Variants in TSPAN9 observed in about 807,000 individuals in gnomAD.
The protein encoded by TSPAN9 is tetraspanin 9, also known as tetraspanin-9.
In TSPAN9, 16 loss-of-function variants were observed where a neutral mutation model predicts 31.0. The observed-to-expected ratio is 0.52, with a 90% CI of 0.35 to 0.78. TSPAN9 has a LOEUF of 0.78. Among genes scored for constraint, TSPAN9 ranks in the 30% least tolerant of loss-of-function variants. The pLI, the probability that TSPAN9 is intolerant of heterozygous loss-of-function variation, is 0.01. For synonymous variants in TSPAN9, 145 were observed against 121.6 expected (o/e 1.19, Z -1.27); for missense variants, 272 against 312.5 (o/e 0.87, Z 0.98).
At chr12:3,229,646 G>C (rs1379871020) in intron 3 of TSPAN9, among the ~76,000 whole-genome samples, 1 of 152,218 alleles carries the variant, frequency 6.6e-6, no homozygotes, top group Non-Finnish European at 1.5e-5. Flanking sequence ...GGGCTGGCTG[G>C]GGGTAGAGGA....
At chr12:3,224,700 G>A (rs548458797) in intron 3 of TSPAN9, among the ~76,000 whole-genome samples, 4 of 152,370 alleles carry the variant, frequency 2.6e-5, no homozygotes, top group South Asian at 2.1e-4. Flanking sequence ...CCAGATGCAC[G>A]TACTGCGCCA....
At chr12:3,086,974 G>A (rs1414483736) in intron 2 of TSPAN9, among the ~76,000 whole-genome samples, 1 of 152,172 alleles carries the variant, frequency 6.6e-6, no homozygotes, top group Non-Finnish European at 1.5e-5. Flanking sequence ...CTTGCAATGT[G>A]GGGAATGTGT....
chr12:3,082,946 A>T (rs1249572809), intron 1 of TSPAN9, among the ~76,000 whole-genome samples: 1 of 152,220 alleles, frequency 6.6e-6, no homozygotes, highest in Non-Finnish European at 1.5e-5. Flanking sequence ...ATCTCAAGAA[A>T]TGAAGCTTGC....
chr12:3,129,855 G>A (rs985236250), intron 2 of TSPAN9, among the ~76,000 whole-genome samples: 16 of 152,098 alleles, frequency 1.1e-4, no homozygotes, highest in Non-Finnish European at 1.9e-4. Context: ...GCTGTCCCTC[G>A]GGGAAGCAGT....
chr12:3,266,074 C>G (rs976575859), intron 3 of TSPAN9, among the ~76,000 whole-genome samples: 1 of 152,194 alleles, frequency 6.6e-6, no homozygotes, highest in Non-Finnish European at 1.5e-5. Flanking sequence ...TCATCCCGTC[C>G]TCCTCGGCTA....
At chr12:3,243,850 A>G (rs758665442) in intron 3 of TSPAN9, among the ~76,000 whole-genome samples, 6 of 152,154 alleles carry the variant, frequency 3.9e-5, no homozygotes, top group Non-Finnish European at 7.4e-5. Flanking sequence ...GACTGACCTC[A>G]AGGCCGCCAC....
intron 2 of TSPAN9, among the ~76,000 whole-genome samples, chr12:3,184,890 A>G (rs1234240009): frequency 6.6e-6 from 1 of 152,158 alleles, no homozygotes; most frequent in Non-Finnish European, 1.5e-5. Flanking sequence ...TTCACAGGGA[A>G]TGCAGTGTAA....
rs377725027 is a variant in TSPAN9 at position 3,278,450 on chromosome 12, C to T, written c.93C>T (p.Gly31=). 5 of 1,614,218 alleles carry T rather than the reference C, an allele frequency of 3.1e-6. No homozygotes were observed. The highest frequency in any genetic ancestry group is 4.2e-6 in the Non-Finnish European group (5 of 1,180,022). The change falls in exon 4 of 9, where the codon GGC becomes GGT. Residue 31 remains glycine, a synonymous_variant. Coordinates refer to ENST00000011898, the MANE Select transcript of TSPAN9 (RefSeq NM_006675.5). ...GTGGCTGTGGGCTGCTGGGAGTGGGCATCTGGCTCTCCGTGTCCCAAGGCA... is the reference window on the plus strand; with the variant it reads ...GTGGCTGTGGGCTGCTGGGAGTGGGTATCTGGCTCTCCGTGTCCCAAGGCA... The part of the protein sequence containing the change: ...WLCGCGLLGV[G]IWLSVSQGNF...
intron 2 of TSPAN9, among the ~76,000 whole-genome samples, chr12:3,179,260 G>T (rs1389226346): frequency 6.6e-6 from 1 of 152,162 alleles, no homozygotes; most frequent in Admixed American, 6.5e-5. Context: ...CATGCTGGGT[G>T]CATTACACAC....
chr12:3,253,202 G>A (rs571656480), intron 3 of TSPAN9, among the ~76,000 whole-genome samples: 318 of 152,220 alleles, frequency 2.1e-3, no homozygotes, highest in Non-Finnish European at 3.8e-3. Context: ...GCCCAAGCCT[G>A]CCCTAAGCAG....
rs183111381 is a variant in TSPAN9 at position 3,112,463 on chromosome 12, A to T, written c.-18+28744A>T. On this transcript the variant is annotated intron_variant, in intron 2 of 8. Transcript: ENST00000011898. ...AGTGCTGGGATTACAGGCATAAGCC[A>T]CCGCGCCTGGCCTGTAATGTTCCAT... 7.9e-5 allele frequency among the ~76,000 whole-genome samples: 12 copies of T among 151,890 alleles called. No homozygotes were observed. The East Asian group carries it at 1.4e-3, about 17-fold the overall frequency.
At chr12:3,214,159 G>C (rs1431158050) in intron 3 of TSPAN9, among the ~76,000 whole-genome samples, 1 of 152,178 alleles carries the variant, frequency 6.6e-6, no homozygotes, top group Non-Finnish European at 1.5e-5. Flanking sequence ...CATCTCTGAG[G>C]TCTCTCTGGG....
intron 3 of TSPAN9, among the ~76,000 whole-genome samples, chr12:3,243,855 C>T (rs377176104): frequency 3.3e-5 from 5 of 152,182 alleles, no homozygotes; most frequent in East Asian, 1.9e-4. Flanking sequence ...ACCTCAAGGC[C>T]GCCACCTCTG....
chr12:3,162,310 A>ATC (rs774801811), intron 2 of TSPAN9, among the ~76,000 whole-genome samples: 1 of 152,230 alleles, frequency 6.6e-6, no homozygotes, highest in Non-Finnish European at 1.5e-5. Context: ...CTGATCAATC[A>ATC]TCCAGCTTCA....
rs151147166 is a variant in TSPAN9 at position 3,150,808 on chromosome 12, G to C, written c.-17-50369G>C. Among the ~76,000 whole-genome samples, 1,262 of 152,248 alleles carry C rather than the reference G, an allele frequency of 8.3e-3. 53 individuals carry two copies. The highest frequency in any genetic ancestry group is 0.066 in the Admixed American group (1,009 of 15,298). On this transcript the variant is annotated intron_variant, in intron 2 of 8. Transcript: ENST00000011898. Reference sequence around the variant, plus strand: ...CCCACGCCTGGCCTGGCCTTGGGGAGCCCTCCCCTGTCCTGTGCCTTTTAA... The same window carrying C: ...CCCACGCCTGGCCTGGCCTTGGGGACCCCTCCCCTGTCCTGTGCCTTTTAA...
chr12:3,285,084 A>G lies in TSPAN9; in HGVS notation c.*1968A>G, dbSNP rs899632296. 2 of 152,210 alleles carry G rather than the reference A, an allele frequency of 1.3e-5. No individual in the cohort carries two copies. Among genetic ancestry groups the G allele is most frequent in the African/African-American group, 4.8e-5 (2 of 41,436 alleles). 9.4% of individuals were successfully genotyped at this position (152,210 alleles called of 1,614,324 possible). A position where few individuals can be genotyped will look rare whatever the true frequency, so the allele number is the denominator to read the frequency against. ...TGCTGATGGAATGTGGGGGAGGCCCACATTTGAGCAAAGCTGCCCTGCCCT... is the reference window on the plus strand; with the variant it reads ...TGCTGATGGAATGTGGGGGAGGCCCGCATTTGAGCAAAGCTGCCCTGCCCT... On this transcript the variant is annotated 3_prime_UTR_variant, in exon 9 of 9. Coordinates refer to ENST00000011898, the MANE Select transcript of TSPAN9 (RefSeq NM_006675.5).
chr12:3,178,953 G>A (rs2098357380), intron 2 of TSPAN9, among the ~76,000 whole-genome samples: 1 of 152,186 alleles, frequency 6.6e-6, no homozygotes, highest in South Asian at 2.1e-4. Context: ...GTGGGGATCT[G>A]GTTGCTTATT....
intron 2 of TSPAN9, among the ~76,000 whole-genome samples, chr12:3,099,397 C>T (rs1052433666): frequency 1.3e-5 from 2 of 152,180 alleles, no homozygotes; most frequent in Non-Finnish European, 2.9e-5. Flanking sequence ...ATCTTTGTCT[C>T]ATCATGTTGA....
intron 1 of TSPAN9, among the ~76,000 whole-genome samples, chr12:3,083,017 C>A (rs375579703): frequency 6.6e-6 from 1 of 152,204 alleles, no homozygotes; most frequent in Non-Finnish European, 1.5e-5. Context: ...TGGCTTTCTC[C>A]GGAGTCATGT....
Sources: allele counts gnomAD v4.1 joint callset (sites outside exome capture counted in the v4.1 genomes callset), GRCh38; gene constraint gnomAD v4.1.1; transcripts MANE v1.5; gene names NCBI Gene and HGNC (gene_info 2026-07-23, HGNC 2026-07-21).